TASOR: variants seen among roughly 807,000 people sequenced by gnomAD.
TASOR encodes protein TASOR.
A neutral mutation model predicts 178.6 loss-of-function variants in TASOR; 53 were observed. That is an observed-to-expected ratio of 0.30 (90% CI 0.24 to 0.37). TASOR has a LOEUF of 0.37. Ranked by LOEUF, TASOR falls within the 10% of genes least tolerant of loss-of-function variation. The pLI is 1.00. For synonymous variants in TASOR, 713 were observed against 696.2 expected (o/e 1.02, Z -0.38); for missense variants, 1,815 against 1,971.4 (o/e 0.92, Z 1.50).
chr3:56,641,371 T>C lies in TASOR; in HGVS notation c.2597A>G (p.Asp866Gly). The change falls in exon 15 of 24, where the codon GAC becomes GGC. Residue 866 changes from aspartate (D) to glycine (G), a missense_variant. Coordinates refer to ENST00000683822, the MANE Select transcript of TASOR (RefSeq NM_001365635.2). ...VAISTSEVGTDHKLHLKEDPN... is the reference protein window; with the variant it reads ...VAISTSEVGTGHKLHLKEDPN... ...TACTTCTTTCAAATGTAGCTTATGG[T>C]CAGTGCCCACTTCGCTGGTAGAAAT... 6.3e-7 allele frequency: 1 copy of C among 1,594,914 alleles called. No individual in the cohort carries two copies. The highest frequency in any genetic ancestry group is 2.3e-5 in the East Asian group (1 of 44,286).
Position 56,641,570 on chromosome 3 carries a change from T to C in TASOR, c.2398A>G (p.Ser800Gly). ...TDTVNKALGL[S>G]TDDAYEELRQ... ...AGCTCTTCATAGGCATCATCAGTGC[T>C]CAATCCTAAGGCTTTGTTGACTGTG... Residue 800 changes from serine (S) to glycine (G), a missense_variant, in exon 15 of 24, where the codon AGC becomes GGC. This residue lies in a region of TASOR where 655 missense variants were observed against 671.1 expected (regional missense o/e 0.98). Coordinates refer to ENST00000683822, the MANE Select transcript of TASOR (RefSeq NM_001365635.2). 1 of 1,614,222 alleles carries C rather than the reference T, an allele frequency of 6.2e-7. No individual in the cohort carries two copies. Among genetic ancestry groups the C allele is most frequent in the Non-Finnish European group, 8.5e-7 (1 of 1,180,036 alleles).
intron 17 of TASOR, among the ~76,000 whole-genome samples, chr3:56,635,783 C>T (rs1231446330): frequency 6.6e-6 from 1 of 152,082 alleles, no homozygotes; most frequent in African/African-American, 2.4e-5. Flanking sequence ...CTATTTATTA[C>T]TTTAAATGCA....
intron 17 of TASOR, 32 bp downstream of exon 17, chr3:56,638,674 A>C: frequency 1.9e-6 from 3 of 1,612,482 alleles, no homozygotes; most frequent in Non-Finnish European, 8.5e-7. Flanking sequence ...AGAAGGGCAC[A>C]CTGGGAAGAA....
At chr3:56,656,503 AT>A (rs1221144242) in intron 11 of TASOR, among the ~76,000 whole-genome samples, 2 of 152,120 alleles carry the variant, frequency 1.3e-5, no homozygotes, top group African/African-American at 2.4e-5. Context: ...AGGCAGGAGA[AT>A]TCCTTGAACC....
Position 56,648,886 on chromosome 3 carries a change from C to A in TASOR, c.1449G>T (p.Gln483His). The A allele has an allele frequency of 1.2e-6, 2 of 1,611,196 alleles. No individual in the cohort carries two copies. The highest frequency in any genetic ancestry group is 1.1e-5 in the South Asian group (1 of 89,918). The change falls in exon 13 of 24, where the codon CAG becomes CAT. Residue 483 changes from glutamine to histidine, a missense_variant. Around this residue, in one of 5 missense-constraint regions of TASOR, gnomAD observed 504 missense variants for 645.3 expected, o/e 0.78. Transcript: ENST00000683822. The part of the protein sequence containing the change: ...PYQMVPPYEY[Q>H]TAKSRVLHAL... Reference sequence around the variant, plus strand: ...CATGTAGGACTCGAGACTTGGCAGTCTGATATTCTAAAAAACAGAAGCCAA... The same window carrying A: ...CATGTAGGACTCGAGACTTGGCAGTATGATATTCTAAAAAACAGAAGCCAA...
rs1198679686 is a variant in TASOR at position 56,643,652 on chromosome 3, G to C, written c.2216-1900C>G. Among the ~76,000 whole-genome samples the C allele has an allele frequency of 2.0e-5, 3 of 152,092 alleles. No homozygotes were observed. The East Asian group carries it at 5.8e-4, about 30-fold the overall frequency. On this transcript the variant is annotated intron_variant, in intron 14 of 23. Coordinates refer to ENST00000683822, the MANE Select transcript of TASOR (RefSeq NM_001365635.2). ...TGGCGGGCGCCCCAGCTACTCGGGAGGCTGAGGCAAGAGAATGGCGAGAAC... is the reference window on the plus strand; with the variant it reads ...TGGCGGGCGCCCCAGCTACTCGGGACGCTGAGGCAAGAGAATGGCGAGAAC...
chr3:56,677,350 C>G (rs1453412702), intron 1 of TASOR, among the ~76,000 whole-genome samples: 2 of 152,338 alleles, frequency 1.3e-5, no homozygotes, highest in African/African-American at 2.4e-5. Context: ...ACACTGTTCT[C>G]TAGATTGACA....
At chr3:56,675,429 G>A (rs570653931) in intron 1 of TASOR, among the ~76,000 whole-genome samples, 33 of 151,596 alleles carry the variant, frequency 2.2e-4, no homozygotes, top group Admixed American at 4.6e-4. Context: ...CACCTGCCTC[G>A]GCCTCCCAAA....
Position 56,621,379 on chromosome 3 carries a change from T to G in TASOR, c.*1658A>C. 1 of 467,604 alleles carries G rather than the reference T, an allele frequency of 2.1e-6. No homozygotes were observed. Among genetic ancestry groups the G allele is most frequent in the African/African-American group, 2.0e-5 (1 of 50,538 alleles). The allele number at this position is 467,604 out of a possible 1,614,324, so 29.0% of individuals were successfully genotyped here. A position where few individuals can be genotyped will look rare whatever the true frequency, so the allele number is the denominator to read the frequency against. On this transcript the variant is annotated 3_prime_UTR_variant, in exon 24 of 24. Coordinates refer to ENST00000683822, the MANE Select transcript of TASOR (RefSeq NM_001365635.2). ...GTGATAGCTATATATCCAAATGAGG[T>G]GGTCTAGTACAAGCATTTCTGAAAA...
Position 56,633,022 on chromosome 3 carries a change from T to G in TASOR, c.3747+22A>C, listed in dbSNP as rs758192423. On this transcript the variant is annotated intron_variant, in intron 18 of 23. Transcript: ENST00000683822. ...ACAAGAGAAGTTTGTACAGCATTACTATTACCTTCTGGTTTAGTTACCTTT... is the reference window on the plus strand; with the variant it reads ...ACAAGAGAAGTTTGTACAGCATTACGATTACCTTCTGGTTTAGTTACCTTT... The G allele has an allele frequency of 2.4e-5, 36 of 1,518,938 alleles. No individual in the cohort carries two copies. In the Admixed American group the frequency reaches 7.5e-4, roughly 32 times the overall value. The allele number at this position is 1,518,938 out of a possible 1,614,324, so 94.1% of individuals were successfully genotyped here.
In TASOR at chr3:56,665,182, AAC is replaced by A. The variant is rs752996979; in HGVS notation, c.1022+1076_1022+1077del. Among the ~76,000 whole-genome samples the A allele has an allele frequency of 1.0e-3, 153 of 152,224 alleles. 1 individual carries two copies. The highest frequency in any genetic ancestry group is 1.4e-3 in the Non-Finnish European group (93 of 68,008). On this transcript the variant is annotated intron_variant, in intron 7 of 23. Transcript: ENST00000683822. ...TGTCTCTAAAGAGGAAAAAAAAAGAAACAGAGGGTCCTCAACACTGGCTGAAA... is the reference window on the plus strand; with the variant it reads ...TGTCTCTAAAGAGGAAAAAAAAAGAAAGAGGGTCCTCAACACTGGCTGAAA...
At chr3:56,647,355 C>T in intron 13 of TASOR, 132 bp from the exon 14 acceptor site, 2 of 641,054 alleles carry the variant, frequency 3.1e-6, no homozygotes, top group South Asian at 5.7e-5. Context: ...CGAGTATGTA[C>T]CCTAGTACAT....
chr3:56,637,887 G>A (rs1049768016), intron 17 of TASOR, among the ~76,000 whole-genome samples: 1 of 151,992 alleles, frequency 6.6e-6, no homozygotes, highest in Non-Finnish European at 1.5e-5. Flanking sequence ...TTATCTCCTA[G>A]GTACCCACTG....
Position 56,645,635 on chromosome 3 carries a change from A to G in TASOR, c.2215+887T>C, listed in dbSNP as rs2077220252. 2.0e-5 allele frequency among the ~76,000 whole-genome samples: 3 copies of G among 152,236 alleles called. No individual in the cohort carries two copies. The South Asian group carries it at 6.2e-4, about 32-fold the overall frequency. Reference sequence around the variant, plus strand: ...TGCAATATTGAAACAAACACACTTAAAACAAGCGCCTTACATGTCTATCTT... The same window carrying G: ...TGCAATATTGAAACAAACACACTTAGAACAAGCGCCTTACATGTCTATCTT... On this transcript the variant is annotated intron_variant, in intron 14 of 23. Coordinates refer to ENST00000683822, the MANE Select transcript of TASOR (RefSeq NM_001365635.2).
At chr3:56,641,164 C>T (rs753331392) in intron 15 of TASOR, among the ~76,000 whole-genome samples, 185 bp downstream of exon 15, 1 of 147,382 alleles carries the variant, frequency 6.8e-6, no homozygotes, top group Non-Finnish European at 1.5e-5. Context: ...AGGAAAACTA[C>T]TTCAGCATTT....
In TASOR at chr3:56,660,986, T is replaced by A; in HGVS notation, c.1192A>T (p.Ser398Cys). Residue 398 changes from serine (S) to cysteine (C), a missense_variant, in exon 10 of 24, where the codon AGT becomes TGT. Ser to Cys is a moderately radical substitution (Grantham distance 112). This residue lies in a region of TASOR where 504 missense variants were observed against 645.3 expected (regional missense o/e 0.78). Transcript: ENST00000683822. Reference sequence around the variant, plus strand: ...ATTTTCTGTTTCAGATGATCAATACTCATAACTGTTTCAACATCTAATTTC... The same window carrying A: ...ATTTTCTGTTTCAGATGATCAATACACATAACTGTTTCAACATCTAATTTC... The part of the protein sequence containing the change: ...PEKLDVETVM[S>C]IDHLKQKIPP... 6.2e-7 allele frequency: 1 copy of A among 1,606,348 alleles called. No homozygotes were observed. Among genetic ancestry groups the A allele is most frequent in the Non-Finnish European group, 8.5e-7 (1 of 1,173,940 alleles).
intron 6 of TASOR, among the ~76,000 whole-genome samples, chr3:56,667,989 G>A (rs776481818): frequency 2.2e-4 from 33 of 152,146 alleles, no homozygotes; most frequent in Non-Finnish European, 4.9e-4. Flanking sequence ...AAAATGTTAT[G>A]CATTAAGATT....
intron 11 of TASOR, among the ~76,000 whole-genome samples, chr3:56,655,177 TA>T (rs2077443326): frequency 6.6e-6 from 1 of 152,236 alleles, no homozygotes; most frequent in Admixed American, 6.5e-5. Context: ...ACTTCCTACT[TA>T]ATGGTAAAAT....
At chr3:56,627,211 G>A in intron 20 of TASOR, 66 bp from the exon 21 acceptor site, 1 of 979,514 alleles carries the variant, frequency 1.0e-6, no homozygotes, top group Non-Finnish European at 1.6e-6. Flanking sequence ...AATTATGAAA[G>A]AAGTGTTTTT....
Sources: allele counts gnomAD v4.1 joint callset (sites outside exome capture counted in the v4.1 genomes callset), GRCh38; gene constraint gnomAD v4.1.1; regional missense constraint gnomAD v4.1.1; transcripts MANE v1.5; gene names NCBI Gene and HGNC (gene_info 2026-07-23, HGNC 2026-07-21).